MPPE1: variants seen among roughly 807,000 people sequenced by gnomAD.
MPPE1 encodes the protein metallophosphoesterase 1.
MPPE1 carries 28 observed loss-of-function variants against 43.8 expected under a neutral mutation model. The ratio of observed to expected loss-of-function variants is 0.64; its 90% CI spans 0.47 to 0.88. The LOEUF is 0.88. Ranked by LOEUF, MPPE1 falls within the 40% of genes least tolerant of loss-of-function variation. The probability of loss-of-function intolerance (pLI) is 0.00; values close to 1 mark genes in which losing one functional copy is unlikely to be tolerated. For synonymous variants in MPPE1, 159 were observed against 188.5 expected (o/e 0.84, Z 1.28); for missense variants, 428 against 492.2 (o/e 0.87, Z 1.23).
intron 4 of MPPE1, among the ~76,000 whole-genome samples, chr18:11,892,417 C>T (rs2038103389): frequency 6.6e-6 from 1 of 151,354 alleles, no homozygotes; most frequent in Admixed American, 6.6e-5. Context: ...TGCCCGTAAT[C>T]CCAGCACATT....
At chr18:11,907,757 C>G (rs1051990278) in intron 1 of MPPE1, 2 of 151,202 alleles carry the variant, frequency 1.3e-5, no homozygotes, top group Non-Finnish European at 2.9e-5. Flanking sequence ...AAGCCATCCT[C>G]CCACTTCAGC....
Position 11,886,485 on chromosome 18 carries a change from A to G in MPPE1, c.867+14T>C, listed in dbSNP as rs1293601960. On this transcript the variant is annotated intron_variant, in intron 9 of 10. Coordinates refer to ENST00000588072, the MANE Select transcript of MPPE1 (RefSeq NM_023075.6). The surrounding 1 kb of genome is among the most constrained non-coding windows in gnomAD (Gnocchi z 4.1). Reference sequence around the variant, plus strand: ...CACTGTGACATGAATTAGCATCACGACACCCTGGCAAACCTTTTGTGATGC... The same window carrying G: ...CACTGTGACATGAATTAGCATCACGGCACCCTGGCAAACCTTTTGTGATGC... 13 of 1,613,994 alleles carry G rather than the reference A, an allele frequency of 8.1e-6. No individual in the cohort carries two copies. The highest frequency in any genetic ancestry group is 1.1e-5 in the Non-Finnish European group (13 of 1,180,040).
chr18:11,900,779 C>CGT (rs1854430536), intron 2 of MPPE1, among the ~76,000 whole-genome samples: 1 of 151,504 alleles, frequency 6.6e-6, no homozygotes. Flanking sequence ...TGGTGGCAGA[C>CGT]GCCTGTAGTC....
At chr18:11,889,314 C>A (rs1352530018) in intron 5 of MPPE1, 73 bp downstream of exon 5, 2 of 977,940 alleles carry the variant, frequency 2.0e-6, no homozygotes, top group Non-Finnish European at 3.1e-6. Context: ...AGGGCTTTCA[C>A]CTGAATTCCA....
intron 9 of MPPE1, 123 bp from the exon 10 acceptor site, chr18:11,885,939 T>C: frequency 2.1e-6 from 2 of 970,866 alleles, no homozygotes; most frequent in South Asian, 2.8e-5. Flanking sequence ...AATCCTTATT[T>C]TGAAGGACTG....
intron 1 of MPPE1, among the ~76,000 whole-genome samples, chr18:11,906,989 C>T (rs2039786289): frequency 6.6e-6 from 1 of 152,162 alleles, no homozygotes. Context: ...CAACCATCTG[C>T]ATGGACCCCA....
intron 2 of MPPE1, among the ~76,000 whole-genome samples, chr18:11,898,225 C>T (rs993824247): frequency 1.1e-4 from 16 of 148,784 alleles, no homozygotes; most frequent in African/African-American, 2.8e-4. Flanking sequence ...CTCGTCACCA[C>T]GTCCAGCTAA....
chr18:11,887,333 G>A (rs932417845), intron 6 of MPPE1, among the ~76,000 whole-genome samples: 1 of 146,742 alleles, frequency 6.8e-6, no homozygotes, highest in Non-Finnish European at 1.5e-5. Context: ...AACCTCATCT[G>A]TTACAGCGCC....
At chr18:11,898,458 AGGTATC>A (rs2038819724) in intron 2 of MPPE1, among the ~76,000 whole-genome samples, 1 of 152,184 alleles carries the variant, frequency 6.6e-6, no homozygotes, top group Non-Finnish European at 1.5e-5. Context: ...AACTAATGAA[AGGTATC>A]GAGATTAGGA....
intron 4 of MPPE1, chr18:11,893,149 T>C (rs906554070): frequency 3.6e-6 from 1 of 274,322 alleles, no homozygotes; most frequent in African/African-American, 2.2e-5. Context: ...ATAACATCTA[T>C]CTTGCCCGTT....
intron 6 of MPPE1, 30 bp from the exon 7 acceptor site, chr18:11,887,055 G>A (rs780075004): frequency 2.2e-5 from 33 of 1,521,694 alleles, no homozygotes; most frequent in African/African-American, 6.9e-5. Context: ...AGGTGAGGCC[G>A]CTGGGGGTAT....
intron 2 of MPPE1, 199 bp from the exon 3 acceptor site, chr18:11,897,555 T>C (rs2038731137): frequency 6.5e-6 from 2 of 307,042 alleles, no homozygotes; most frequent in East Asian, 5.9e-5. Context: ...TCTCCATACC[T>C]CCGTATGTCA....
At chr18:11,907,132 G>C (rs938970388) in intron 1 of MPPE1, among the ~76,000 whole-genome samples, 1 of 152,152 alleles carries the variant, frequency 6.6e-6, no homozygotes, top group Non-Finnish European at 1.5e-5. Context: ...AAGCAGACCA[G>C]CATTTAACAT....
At chr18:11,900,901 C>T (rs1158605424) in intron 2 of MPPE1, among the ~76,000 whole-genome samples, 3 of 138,466 alleles carry the variant, frequency 2.2e-5, no homozygotes, top group Non-Finnish European at 4.5e-5. Flanking sequence ...AGCAAGACTC[C>T]GTCTCATTAA....
rs775674909 is a variant in MPPE1, at chr18:11,897,207, T to A, written c.58A>T (p.Ser20Cys). 3 of 1,146,440 alleles carry A rather than the reference T, an allele frequency of 2.6e-6. No homozygotes were observed. Among genetic ancestry groups the A allele is most frequent in the Admixed American group, 4.3e-5 (2 of 46,274 alleles). 71.0% of individuals were successfully genotyped at this position (1,146,440 alleles called of 1,614,324 possible). A position where few individuals can be genotyped will look rare whatever the true frequency, so the allele number is the denominator to read the frequency against. Residue 20 changes from serine (S) to cysteine (C), a missense_variant, in exon 3 of 11, where the codon AGT (serine) becomes TGT (cysteine). Ser to Cys is a moderately radical substitution (Grantham distance 112). Coordinates refer to ENST00000588072, the MANE Select transcript of MPPE1 (RefSeq NM_023075.6). ...RQNFHPLKRKSSLLLKLIAVV... is the reference protein window; with the variant it reads ...RQNFHPLKRKCSLLLKLIAVV... ...GCTATGAGTTTCAACAGCAATGAAC[T>A]CTTCCTCTTTAATGGATGAAAATTC... is the stretch of plus-strand genomic sequence containing the variant.
At chr18:11,897,426 G>C (rs2038720407) in intron 2 of MPPE1, 70 bp from the exon 3 acceptor site, 1 of 632,768 alleles carries the variant, frequency 1.6e-6, no homozygotes, top group Admixed American at 2.9e-5. Flanking sequence ...CCTCTATTAA[G>C]AACTAATGAG....
At chr18:11,884,800 C>T in intron 10 of MPPE1, 173 bp from the exon 11 acceptor site, 1 of 1,383,362 alleles carries the variant, frequency 7.2e-7, no homozygotes, top group South Asian at 1.5e-5. Flanking sequence ...CACAGCTCAC[C>T]CCCGACCAGC....
chr18:11,897,551 T>G, intron 2 of MPPE1, 195 bp from the exon 3 acceptor site: 1 of 329,920 alleles, frequency 3.0e-6, no homozygotes, highest in Admixed American at 4.5e-5. Context: ...AAGCTCTCCA[T>G]ACCTCCGTAT....
In MPPE1 at chr18:11,884,372, C is replaced by T; in HGVS notation, c.*73G>A. ...ACGGCCTGTAATTGGTCTCATCATCCACTTGATTCTAACATGATCTCTGCC... is the reference window on the plus strand; with the variant it reads ...ACGGCCTGTAATTGGTCTCATCATCTACTTGATTCTAACATGATCTCTGCC... On this transcript the variant is annotated 3_prime_UTR_variant, in exon 11 of 11. Coordinates refer to ENST00000588072, the MANE Select transcript of MPPE1 (RefSeq NM_023075.6). The T allele has an allele frequency of 6.9e-7, 1 of 1,454,738 alleles. No homozygotes were observed. Among genetic ancestry groups the T allele is most frequent in the South Asian group, 1.2e-5 (1 of 82,072 alleles). The allele number at this position is 1,454,738 out of a possible 1,614,324, so 90.1% of individuals were successfully genotyped here.
Sources: gnomAD v4.1 joint callset for allele counts (sites outside exome capture counted in the v4.1 genomes callset) on GRCh38, gnomAD v4.1.1 for gene constraint, Gnocchi (gnomAD v3.1) non-coding constraint, MANE v1.5 for transcripts, NCBI Gene and HGNC (gene_info 2026-07-23, HGNC 2026-07-21) for gene names.